The following WDTC1 variants were observed in gnomAD, a reference collection of about 807,000 sequenced individuals.
The protein encoded by WDTC1 is WD and tetratricopeptide repeats protein 1.
In WDTC1, 12 loss-of-function variants were observed where a neutral mutation model predicts 76.0. The ratio of observed to expected loss-of-function variants is 0.16; its 90% CI spans 0.10 to 0.26. The LOEUF (loss-of-function observed/expected upper bound fraction) is 0.26, where lower values mean the gene tolerates loss of function less well. Among genes scored for constraint, WDTC1 ranks in the 10% least tolerant of loss-of-function variants. WDTC1 has a pLI of 1.00. For synonymous variants in WDTC1, 326 were observed against 350.8 expected (o/e 0.93, Z 0.79); for missense variants, 511 against 908.8 (o/e 0.56, Z 5.63).
At chr1:27,239,447 AG>A (rs1157641902) in intron 1 of WDTC1, among the ~76,000 whole-genome samples, 1 of 147,450 alleles carries the variant, frequency 6.8e-6, no homozygotes, top group Non-Finnish European at 1.5e-5. Flanking sequence ...ACTTGAGTGC[AG>A]GAGGCAGAGG....
chr1:27,259,857 C>CA (rs57818136), intron 1 of WDTC1, among the ~76,000 whole-genome samples: 2,726 of 91,554 alleles, frequency 0.03, 30 homozygotes, highest in East Asian at 0.072. Context: ...TCCATCTCTA[C>CA]AAAAAAAAAA....
At chr1:27,290,280 C>G (rs912213578) in intron 6 of WDTC1, among the ~76,000 whole-genome samples, 1 of 152,090 alleles carries the variant, frequency 6.6e-6, no homozygotes, top group Non-Finnish European at 1.5e-5. Flanking sequence ...GATGGGGTTT[C>G]TCTGTGTTGC....
intron 3 of WDTC1, among the ~76,000 whole-genome samples, chr1:27,277,157 T>C (rs1305946158): frequency 2.0e-5 from 3 of 152,076 alleles, no homozygotes; most frequent in African/African-American, 7.2e-5. Context: ...CTCACCCTCT[T>C]GAGTAGCTGG....
At chr1:27,293,058 C>T (rs897497208) in intron 7 of WDTC1, among the ~76,000 whole-genome samples, 1 of 151,626 alleles carries the variant, frequency 6.6e-6, no homozygotes, top group Non-Finnish European at 1.5e-5. Context: ...AGCCTGGCCC[C>T]TTCTTCTTTA....
At chr1:27,281,187 C>T (rs1359989250) in intron 3 of WDTC1, among the ~76,000 whole-genome samples, 1 of 152,102 alleles carries the variant, frequency 6.6e-6, no homozygotes, top group Non-Finnish European at 1.5e-5. Context: ...TGAGGCTGGG[C>T]GCGGTGGCTC....
intron 3 of WDTC1, among the ~76,000 whole-genome samples, chr1:27,276,539 A>G (rs2013032584): frequency 6.6e-6 from 1 of 151,990 alleles, no homozygotes; most frequent in African/African-American, 2.4e-5. Context: ...CTAAAAATAC[A>G]AAACTTAGCC....
intron 13 of WDTC1, among the ~76,000 whole-genome samples, chr1:27,302,612 A>C (rs1368208532): frequency 6.6e-6 from 1 of 152,058 alleles, no homozygotes; most frequent in Non-Finnish European, 1.5e-5. Flanking sequence ...GTGGTGGCAC[A>C]CACCTGTAGT....
intron 3 of WDTC1, among the ~76,000 whole-genome samples, chr1:27,269,982 G>C (rs1412396598): frequency 6.6e-6 from 1 of 151,696 alleles, no homozygotes; most frequent in Non-Finnish European, 1.5e-5. Context: ...TGTCACCCAG[G>C]CTGGAGCGCA....
chr1:27,268,994 T>C (rs1003780092), intron 3 of WDTC1, among the ~76,000 whole-genome samples: 8 of 149,870 alleles, frequency 5.3e-5, no homozygotes, highest in Non-Finnish European at 5.9e-5. Flanking sequence ...GGATTACAGG[T>C]GTGAGCCACT....
At chr1:27,254,629 A>G (rs2012211932) in intron 1 of WDTC1, among the ~76,000 whole-genome samples, 1 of 151,826 alleles carries the variant, frequency 6.6e-6, no homozygotes, top group Admixed American at 6.6e-5. Flanking sequence ...CATCAGTTGT[A>G]TTAAATTTTG....
Position 27,306,349 on chromosome 1 carries a change from G to C in WDTC1, c.2000G>C (p.Ser667Thr). Residue 667 changes from serine to threonine, a missense_variant, in exon 16 of 16, where the codon AGC (serine) becomes ACC (threonine). Transcript: ENST00000319394. The surrounding 1 kb of genome is among the most constrained non-coding windows in gnomAD (Gnocchi z 5.0). ...GCCGGGGCCTCTGATGATGAGGACAGCTCTGAGGGCCAGGTGCAGTGCCGG... is the reference window on the plus strand; with the variant it reads ...GCCGGGGCCTCTGATGATGAGGACACCTCTGAGGGCCAGGTGCAGTGCCGG... ...GGAGASDDEDSSEGQVQCRPS is the reference protein window; with the variant it reads ...GGAGASDDEDTSEGQVQCRPS 6.2e-7 allele frequency: 1 copy of C among 1,613,530 alleles called. No individual in the cohort carries two copies.
chr1:27,267,919 A>C lies in WDTC1; in HGVS notation c.132+4684A>C, dbSNP rs143786886. Among the ~76,000 whole-genome samples the C allele has an allele frequency of 2.6e-5, 4 of 152,326 alleles. No homozygotes were observed. In the East Asian group the frequency reaches 7.7e-4, roughly 29 times the overall value. ...TTTTGCATGTACAAGGTCATTCCTT[A>C]TGACATCATTTGGCACATGTGGTTA... On this transcript the variant is annotated intron_variant, in intron 3 of 15. Coordinates refer to ENST00000319394, the MANE Select transcript of WDTC1 (RefSeq NM_001276252.2).
chr1:27,237,665 C>A (rs373875714), intron 1 of WDTC1, among the ~76,000 whole-genome samples: 1 of 151,848 alleles, frequency 6.6e-6, no homozygotes, highest in African/African-American at 2.4e-5. Flanking sequence ...CTGGCTAACA[C>A]GGTGAAACCC....
Position 27,283,419 on chromosome 1 carries a change from G to A in WDTC1, c.261G>A (p.Thr87=), listed in dbSNP as rs746581790. The A allele has an allele frequency of 5.0e-6, 8 of 1,613,026 alleles. No homozygotes were observed. Among genetic ancestry groups the A allele is most frequent in the African/African-American group, 2.7e-5 (2 of 74,876 alleles). ...LHHKKLLSMH[T]GHTANIFSVK... ...ACAAGAAGCTGCTCTCCATGCACAC[G>A]GGACACACCGCAAATATCTTCTCTG... The change falls in exon 5 of 16, where the codon ACG becomes ACA. Residue 87 remains threonine (T), a synonymous_variant. Transcript: ENST00000319394.
chr1:27,236,085 G>T (rs2011485920), intron 1 of WDTC1, among the ~76,000 whole-genome samples: 2 of 152,174 alleles, frequency 1.3e-5, no homozygotes, highest in Non-Finnish European at 2.9e-5. Flanking sequence ...AAGCTTTTCT[G>T]TGTCTTTTAG....
intron 3 of WDTC1, among the ~76,000 whole-genome samples, chr1:27,276,888 T>C (rs2013044863): frequency 6.6e-6 from 1 of 152,152 alleles, no homozygotes; most frequent in Non-Finnish European, 1.5e-5. Flanking sequence ...ACTCATTTTT[T>C]AATTGGGTTG....
chr1:27,306,500 T>C lies in WDTC1; in HGVS notation c.*117T>C, dbSNP rs2013960018. The C allele has an allele frequency of 7.8e-7, 1 of 1,290,112 alleles. No individual in the cohort carries two copies. The highest frequency in any genetic ancestry group is 1.0e-6 in the Non-Finnish European group (1 of 962,166). The allele number at this position is 1,290,112 out of a possible 1,614,324, so 79.9% of individuals were successfully genotyped here. ...CACCACCCTTTTTTTTCATTTCCCC[T>C]GTTTTGTTTGTTAGTTTGGCGTTAG... On this transcript the variant is annotated 3_prime_UTR_variant, in exon 16 of 16. Coordinates refer to ENST00000319394, the MANE Select transcript of WDTC1 (RefSeq NM_001276252.2). The surrounding 1 kb of genome is among the most constrained non-coding windows in gnomAD (Gnocchi z 5.0).
intron 3 of WDTC1, among the ~76,000 whole-genome samples, 164 bp from the exon 4 acceptor site, chr1:27,282,075 G>A (rs1291895433): frequency 2.6e-5 from 4 of 152,148 alleles, no homozygotes; most frequent in Non-Finnish European, 4.4e-5. Context: ...TTTATATATT[G>A]TAAGACGCTA....
chr1:27,269,910 TTTG>T (rs151248965), intron 3 of WDTC1, among the ~76,000 whole-genome samples: 7,492 of 146,638 alleles, frequency 0.051, 247 homozygotes, highest in Middle Eastern at 0.086. Context: ...ACGCCCGGCC[TTTG>T]TTGTTGTTGT....
Sources: allele counts gnomAD v4.1 joint callset (sites outside exome capture counted in the v4.1 genomes callset), GRCh38; gene constraint gnomAD v4.1.1; non-coding constraint Gnocchi (gnomAD v3.1); transcripts MANE v1.5; gene names NCBI Gene and HGNC (gene_info 2026-07-23, HGNC 2026-07-21).